NPAT: variants seen among roughly 807,000 people sequenced by gnomAD.
The protein encoded by NPAT is protein NPAT.
A neutral mutation model predicts 130.7 loss-of-function variants in NPAT; 52 were observed. That is an observed-to-expected ratio of 0.40 (90% CI 0.32 to 0.50). The LOEUF (loss-of-function observed/expected upper bound fraction) is 0.50, where lower values mean the gene tolerates loss of function less well. Among genes scored for constraint, NPAT ranks in the 20% least tolerant of loss-of-function variants. The pLI is 0.68. For missense variants in NPAT, 1,687 were observed against 1,662.6 expected (o/e 1.01, Z -0.26); for synonymous variants, 580 against 584.8 (o/e 0.99, Z 0.12).
intron 10 of NPAT, among the ~76,000 whole-genome samples, chr11:108,184,640 C>T (rs996552352): frequency 1.7e-4 from 26 of 152,122 alleles, no homozygotes; most frequent in Admixed American, 3.9e-4. Flanking sequence ...CAAGGATTCT[C>T]CTGCTTCAGC....
At chr11:108,211,289 C>A (rs1419445506) in intron 1 of NPAT, among the ~76,000 whole-genome samples, 2 of 152,060 alleles carry the variant, frequency 1.3e-5, no homozygotes, top group Non-Finnish European at 1.5e-5. Context: ...CGCCTGTAAT[C>A]CCAGCACTGT....
intron 7 of NPAT, among the ~76,000 whole-genome samples, chr11:108,186,842 GA>G (rs894441691): frequency 1.3e-5 from 2 of 152,068 alleles, no homozygotes; most frequent in African/African-American, 4.8e-5. Context: ...GTGTTCGGTT[GA>G]AAAAAACTTG....
intron 15 of NPAT, among the ~76,000 whole-genome samples, chr11:108,163,455 A>G (rs1295438638): frequency 6.6e-6 from 1 of 152,196 alleles, no homozygotes; most frequent in East Asian, 1.9e-4. Context: ...AATGTGGAAG[A>G]TGGAACTGAG....
At chr11:108,214,061 T>C (rs1276354638) in intron 1 of NPAT, among the ~76,000 whole-genome samples, 1 of 152,094 alleles carries the variant, frequency 6.6e-6, no homozygotes, top group East Asian at 1.9e-4. Context: ...GCCCAGCTAA[T>C]TACTTACTTA....
intron 17 of NPAT, 50 bp downstream of exon 17, chr11:108,160,830 T>G: frequency 6.5e-7 from 1 of 1,530,616 alleles, no homozygotes; most frequent in East Asian, 2.3e-5. Context: ...CGCTAATCAC[T>G]AAAGCGGAAA....
intron 5 of NPAT, among the ~76,000 whole-genome samples, chr11:108,189,929 T>A (rs2078150264): frequency 6.6e-6 from 1 of 151,630 alleles, no homozygotes; most frequent in South Asian, 2.1e-4. Flanking sequence ...ATTAAAACAT[T>A]CTACATGAGT....
At position 108,173,080 on chromosome 11, in the gene NPAT, G is replaced by T. The variant is rs2077969842; in HGVS notation, c.1904C>A (p.Pro635Gln). 6.2e-7 allele frequency: 1 copy of T among 1,614,038 alleles called. No individual in the cohort carries two copies. Among genetic ancestry groups the T allele is most frequent in the African/African-American group, 1.3e-5 (1 of 75,018 alleles). The change falls in exon 13 of 18, where the codon CCA (proline) becomes CAA (glutamine). Residue 635 changes from proline (P) to glutamine (Q), a missense_variant. Physicochemically the swap from Pro to Gln is moderately conservative, Grantham distance 76. This residue lies in a region of NPAT where 1,379 missense variants were observed against 1,346.6 expected (regional missense o/e 1.02). Coordinates refer to ENST00000278612, the MANE Select transcript of NPAT (RefSeq NM_002519.3). ...CTCAACAGATGCTGAATCATTAGAT[G>T]GTTGTTTAGTAGAAGACAGCGAATC... Reference protein sequence around the residue: ...LGDSLSSTKQPSNDSASVELN... With the variant: ...LGDSLSSTKQQSNDSASVELN...
rs745802610 is a variant in NPAT, at chr11:108,173,807, C to T, written c.1177G>A (p.Asp393Asn). 1 of 1,614,140 alleles carries T rather than the reference C, an allele frequency of 6.2e-7. No homozygotes were observed. The highest frequency in any genetic ancestry group is 8.5e-7 in the Non-Finnish European group (1 of 1,180,026). ...QPAFCTSYQNDDPLNALKNSN... is the reference protein window; with the variant it reads ...QPAFCTSYQNNDPLNALKNSN... The stretch of plus-strand genomic sequence containing the variant: ...TTCTTCAAAGCATTTAATGGGTCAT[C>T]ATTCTGATAGGATGTACAAAAAGCG... The change falls in exon 13 of 18, where the codon GAT becomes AAT. Residue 393 changes from aspartate (D) to asparagine (N), a missense_variant. Physicochemically the swap from Asp to Asn is conservative, Grantham distance 23. Coordinates refer to ENST00000278612, the MANE Select transcript of NPAT (RefSeq NM_002519.3).
At chr11:108,220,011 T>A (rs1425855340) in intron 1 of NPAT, among the ~76,000 whole-genome samples, 1 of 152,164 alleles carries the variant, frequency 6.6e-6, no homozygotes, top group Non-Finnish European at 1.5e-5. Context: ...CATACAAGAA[T>A]TTTCAAAGAA....
rs756865502 is a variant in NPAT, at chr11:108,161,472, T to C, written c.3614A>G (p.Gln1205Arg). 3 of 1,614,138 alleles carry C rather than the reference T, an allele frequency of 1.9e-6. No individual in the cohort carries two copies. Among genetic ancestry groups the C allele is most frequent in the Admixed American group, 1.7e-5 (1 of 60,008 alleles). ...LRSEKSIASLQEMTKKQGTSS... is the reference protein window; with the variant it reads ...LRSEKSIASLREMTKKQGTSS... ...TGTGCCTTGTTTTTTGGTCATTTCT[T>C]GCAGTGAAGCTATAGATTTCTCACT... The change falls in exon 17 of 18, where the codon CAA (glutamine) becomes CGA (arginine). Residue 1205 changes from glutamine to arginine, a missense_variant. By Grantham distance (43) the Gln-to-Arg change is conservative (BLOSUM62 1). Transcript: ENST00000278612.
intron 10 of NPAT, among the ~76,000 whole-genome samples, chr11:108,180,313 C>T (rs2078047573): frequency 1.3e-5 from 2 of 152,124 alleles, no homozygotes; most frequent in Admixed American, 6.6e-5. Context: ...GGGCATGCAG[C>T]GAGACCCTGT....
At chr11:108,163,281 C>T (rs192051724) in intron 15 of NPAT, among the ~76,000 whole-genome samples, 22 of 152,002 alleles carry the variant, frequency 1.4e-4, no homozygotes, top group African/African-American at 4.1e-4. Flanking sequence ...GGTTTCACTA[C>T]GTCAGCCAGG....
intron 10 of NPAT, 60 bp from the exon 11 acceptor site, chr11:108,177,150 T>TTA (rs994328237): frequency 1.7e-4 from 130 of 748,256 alleles, no homozygotes; most frequent in South Asian, 2.8e-4. Flanking sequence ...TATTTACATA[T>TTA]TATATATATA....
chr11:108,164,764 C>A (rs1406083974), intron 15 of NPAT, among the ~76,000 whole-genome samples: 1 of 152,162 alleles, frequency 6.6e-6, no homozygotes, highest in Non-Finnish European at 1.5e-5. Context: ...GTAATCCCAG[C>A]ACTTTGGGAG....
rs36220455 is a variant in NPAT at position 108,221,128 on chromosome 11, T to C, written c.37+1372A>G. Among the ~76,000 whole-genome samples, 116 of 152,290 alleles carry C rather than the reference T, an allele frequency of 7.6e-4. 1 individual carries two copies. The South Asian group carries it at 0.023, about 30-fold the overall frequency. ...GGGCTTTCTTAACTAGGGGTGATTCTGCCCTCCAGGGGACATACTAGCAAT... is the reference window on the plus strand; with the variant it reads ...GGGCTTTCTTAACTAGGGGTGATTCCGCCCTCCAGGGGACATACTAGCAAT... On this transcript the variant is annotated intron_variant, in intron 1 of 17. Coordinates refer to ENST00000278612, the MANE Select transcript of NPAT (RefSeq NM_002519.3).
chr11:108,205,150 T>C (rs2078313445), intron 1 of NPAT, among the ~76,000 whole-genome samples: 1 of 152,254 alleles, frequency 6.6e-6, no homozygotes, highest in African/African-American at 2.4e-5. Context: ...GACTGACAGC[T>C]GATTTCTCAC....
intron 1 of NPAT, among the ~76,000 whole-genome samples, chr11:108,212,520 G>A (rs1257626813): frequency 4.1e-5 from 6 of 146,100 alleles, no homozygotes; most frequent in Non-Finnish European, 7.5e-5. Context: ...GAGAGACTCC[G>A]TCTCAAAAGA....
intron 1 of NPAT, among the ~76,000 whole-genome samples, chr11:108,212,317 G>A (rs2078391841): frequency 6.6e-6 from 1 of 152,026 alleles, no homozygotes; most frequent in African/African-American, 2.4e-5. Flanking sequence ...TTGAGGTCAG[G>A]AGTTCCAGAC....
Position 108,172,359 on chromosome 11 carries a change from T to C in NPAT, c.2625A>G (p.Pro875=). 1.1e-5 allele frequency: 18 copies of C among 1,614,220 alleles called. No individual in the cohort carries two copies. The highest frequency in any genetic ancestry group is 1.6e-4 in the Middle Eastern group (1 of 6,062). The change falls in exon 13 of 18, where the codon CCA becomes CCG. Residue 875 remains proline, a synonymous_variant. Transcript: ENST00000278612. ...GACTTACAGATGTTCCTAACGCTGT[T>C]GGATCAGTCACACAGGTAGCTATCA... The part of the protein sequence containing the change: ...NILIATCVTD[P]TALGTSVSQS...
Sources: allele counts gnomAD v4.1 joint callset (sites outside exome capture counted in the v4.1 genomes callset), GRCh38; gene constraint gnomAD v4.1.1; regional missense constraint gnomAD v4.1.1; transcripts MANE v1.5; gene names NCBI Gene and HGNC (gene_info 2026-07-23, HGNC 2026-07-21).